TNIP2: variants seen among roughly 807,000 people sequenced by gnomAD.
TNIP2 encodes the protein TNFAIP3 interacting protein 2, also known as TNFAIP3-interacting protein 2.
In TNIP2, 30 loss-of-function variants were observed where a neutral mutation model predicts 43.7. The ratio of observed to expected loss-of-function variants is 0.69; its 90% CI spans 0.51 to 0.93. TNIP2 has a LOEUF of 0.93. Ranked by LOEUF, TNIP2 falls within the 40% of genes least tolerant of loss-of-function variation. The pLI, the probability that TNIP2 is intolerant of heterozygous loss-of-function variation, is 0.00. For synonymous variants in TNIP2, 260 were observed against 254.6 expected, an observed-to-expected ratio of 1.02 and a Z score of -0.20; for missense variants, 599 against 591.0, an observed-to-expected ratio of 1.01 and a Z score of -0.14.
intron 1 of TNIP2, among the ~76,000 whole-genome samples, chr4:2,751,919 C>T (rs1263836858): frequency 6.6e-6 from 1 of 151,232 alleles, no homozygotes; most frequent in Admixed American, 6.6e-5. Context: ...GCCTGGCCAA[C>T]ATGGTGAAAC....
chr4:2,748,249 C>G (rs1206632090), intron 1 of TNIP2, among the ~76,000 whole-genome samples: 1 of 152,012 alleles, frequency 6.6e-6, no homozygotes, highest in East Asian at 1.9e-4. Flanking sequence ...AATCTTGGCT[C>G]GCTGCAACCT....
rs941191863 is a variant in TNIP2 at position 2,741,804 on chromosome 4, G to C, written c.*453C>G. ...CGCAATGGCGGGGGTGGCCACCCTAGTGTGACGTGCAGCCGCAATACTCCA... is the reference window on the plus strand; with the variant it reads ...CGCAATGGCGGGGGTGGCCACCCTACTGTGACGTGCAGCCGCAATACTCCA... On this transcript the variant is annotated 3_prime_UTR_variant, in exon 6 of 6. Transcript: ENST00000315423. 6.3e-6 allele frequency: 1 copy of C among 158,390 alleles called. No homozygotes were observed. The highest frequency in any genetic ancestry group is 1.4e-5 in the Non-Finnish European group (1 of 72,530). The allele number at this position is 158,390 out of a possible 1,614,324, so 9.8% of individuals were successfully genotyped here. A position where few individuals can be genotyped will look rare whatever the true frequency, so the allele number is the denominator to read the frequency against.
Position 2,756,282 on chromosome 4 carries a change from C to T in TNIP2, c.8G>A (p.Arg3Gln), listed in dbSNP as rs779245238. MS[R>Q]DPGSGGWEEA... ...CTCCCAGCCGCCCGACCCCGGGTCC[C>T]GGGACATGGCTGTAGGCCCGCCCGG... The change falls in exon 1 of 6, where the codon CGG (arginine) becomes CAG (glutamine). Residue 3 changes from arginine to glutamine, a missense_variant. By Grantham distance (43) the Arg-to-Gln change is conservative. Transcript: ENST00000315423. 1.3e-3 allele frequency: 1,829 copies of T among 1,392,052 alleles called. 3 individuals are homozygous for T. The highest frequency in any genetic ancestry group is 1.6e-3 in the Non-Finnish European group (1,750 of 1,076,570). 86.2% of individuals were successfully genotyped at this position (1,392,052 alleles called of 1,614,324 possible).
Position 2,754,519 on chromosome 4 carries a change from C to T in TNIP2, c.276+1495G>A, listed in dbSNP as rs1324019240. Among the ~76,000 whole-genome samples, 12 of 152,284 alleles carry T rather than the reference C, an allele frequency of 7.9e-5. 1 individual carries two copies. In the South Asian group the frequency reaches 2.5e-3, roughly 32 times the overall value. On this transcript the variant is annotated intron_variant, in intron 1 of 5. Transcript: ENST00000315423. ...GCAAGCTCCGCCGCCCGGGTTCATG[C>T]CATTCTCCTGCCTCCGCCTCCCAAG... is the stretch of plus-strand genomic sequence containing the variant.
rs1722245961 is a variant in TNIP2 at position 2,756,248 on chromosome 4, CG to C, written c.41del (p.Pro14ArgfsTer50). ...GGGTGCAGAGCGCGGCAGCTGCGCG[CG>C]GGGCCTCCTCCCAGCCGCCCGACCC... ...DPGSGGWEEA[P>X]RAAAALCTLY... On this transcript the variant is annotated frameshift_variant, in exon 1 of 6. Coordinates refer to ENST00000315423, the MANE Select transcript of TNIP2 (RefSeq NM_024309.4). LOFTEE classifies it high-confidence loss of function. 3 of 1,446,876 alleles carry C rather than the reference CG, an allele frequency of 2.1e-6. No individual in the cohort carries two copies. Among genetic ancestry groups the C allele is most frequent in the African/African-American group, 3.0e-5 (2 of 67,482 alleles). The allele number at this position is 1,446,876 out of a possible 1,614,324, so 89.6% of individuals were successfully genotyped here. A position where few individuals can be genotyped will look rare whatever the true frequency, so the allele number is the denominator to read the frequency against.
At chr4:2,747,621 G>T (rs745622333) in intron 2 of TNIP2, 34 bp downstream of exon 2, 8 of 1,571,608 alleles carry the variant, frequency 5.1e-6, no homozygotes, top group Middle Eastern at 2.3e-4. Context: ...GCACACAGAG[G>T]TCTTCCCCAC....
At position 2,742,234 on chromosome 4, in the gene TNIP2, G is replaced by GC. The variant is rs749770666; in HGVS notation, c.*22dup. ...GGCAGCTGCACCGGGCCAGGAGGCCGCAAGGGCACGGGTGAGTCTCGGTCA... is the reference window on the plus strand; with the variant it reads ...GGCAGCTGCACCGGGCCAGGAGGCCGCCAAGGGCACGGGTGAGTCTCGGTCA... On this transcript the variant is annotated 3_prime_UTR_variant, in exon 6 of 6. Transcript: ENST00000315423. 7.6e-6 allele frequency: 11 copies of GC among 1,443,450 alleles called. No homozygotes were observed. The African/African-American group carries it at 1.4e-4, about 19-fold the overall frequency. 89.4% of individuals were successfully genotyped at this position (1,443,450 alleles called of 1,614,324 possible). A position where few individuals can be genotyped will look rare whatever the true frequency, so the allele number is the denominator to read the frequency against.
At chr4:2,749,933 C>T (rs1722059134) in intron 1 of TNIP2, among the ~76,000 whole-genome samples, 1 of 152,094 alleles carries the variant, frequency 6.6e-6, no homozygotes, top group African/African-American at 2.4e-5. Context: ...TGCCTCAGCA[C>T]CCTAAGTAGT....
At position 2,755,978 on chromosome 4, in the gene TNIP2, T is replaced by C. The variant is rs1406761795; in HGVS notation, c.276+36A>G. The C allele has an allele frequency of 4.0e-6, 6 of 1,508,666 alleles. No individual in the cohort carries two copies. The East Asian group carries it at 1.3e-4, about 34-fold the overall frequency. The allele number at this position is 1,508,666 out of a possible 1,614,324, so 93.5% of individuals were successfully genotyped here. On this transcript the variant is annotated intron_variant, in intron 1 of 5. Coordinates refer to ENST00000315423, the MANE Select transcript of TNIP2 (RefSeq NM_024309.4). ...GACCCGGCGGCCGCCACACGCACTC[T>C]CGCTCCCGCAGCTCCTCTGGTACCC... is the stretch of plus-strand genomic sequence containing the variant.
At chr4:2,746,589 CCTT>C (rs960141962) in intron 2 of TNIP2, among the ~76,000 whole-genome samples, 37 of 152,258 alleles carry the variant, frequency 2.4e-4, no homozygotes, top group Non-Finnish European at 4.7e-4. Context: ...CTCAGACCAA[CCTT>C]CTCCCCAGTG....
chr4:2,750,552 A>G (rs1215764585), intron 1 of TNIP2, among the ~76,000 whole-genome samples: 2 of 151,864 alleles, frequency 1.3e-5, no homozygotes, highest in East Asian at 3.9e-4. Flanking sequence ...TCAACCTCCC[A>G]AATAGCTGGG....
chr4:2,747,536 C>T lies in TNIP2; in HGVS notation c.567+119G>A, dbSNP rs540200605. On this transcript the variant is annotated intron_variant, in intron 2 of 5. Transcript: ENST00000315423. ...GAGCTTTGCCCCGTCAGCTGACTCT[C>T]GTTACTGAGAACAGAAGTGGGTTCT... is the stretch of plus-strand genomic sequence containing the variant. The T allele has an allele frequency of 1.2e-5, 12 of 1,022,122 alleles. No individual in the cohort carries two copies. The East Asian group carries it at 1.7e-4, about 14-fold the overall frequency. 63.3% of individuals were successfully genotyped at this position (1,022,122 alleles called of 1,614,324 possible).
At chr4:2,751,489 C>T (rs989020714) in intron 1 of TNIP2, among the ~76,000 whole-genome samples, 1 of 152,204 alleles carries the variant, frequency 6.6e-6, no homozygotes, top group Non-Finnish European at 1.5e-5. Context: ...TCTTAAACAA[C>T]AGAAGTGTAT....
At chr4:2,748,722 G>T (rs1577310064) in intron 1 of TNIP2, among the ~76,000 whole-genome samples, 1 of 134,050 alleles carries the variant, frequency 7.5e-6, no homozygotes, top group African/African-American at 3.3e-5. Context: ...TCGAATTCCT[G>T]ACCTTAGATG....
Position 2,744,456 on chromosome 4 carries a change from C to T in TNIP2, c.957G>A (p.Arg319=), listed in dbSNP as rs1267350787. The change falls in exon 5 of 6, where the codon CGG becomes CGA. Residue 319 remains arginine, a synonymous_variant. Coordinates refer to ENST00000315423, the MANE Select transcript of TNIP2 (RefSeq NM_024309.4). The surrounding 1 kb of genome is among the most constrained non-coding windows in gnomAD (Gnocchi z 5.1). ...CCAGTTCTTGAATCCTACTTTGAGC[C>T]CGTTCCCGATCGGCCCTTTCTGACA... The part of the protein sequence containing the change: ...DFMSERADRE[R]AQSRIQELEE... The T allele has an allele frequency of 2.5e-6, 4 of 1,614,252 alleles. No individual in the cohort carries two copies. Among genetic ancestry groups the T allele is most frequent in the African/African-American group, 1.3e-5 (1 of 75,072 alleles).
rs1577307301 is a variant in TNIP2 at position 2,745,092 on chromosome 4, A to G, written c.658-147T>C. 6.6e-6 allele frequency: 7 copies of G among 1,057,242 alleles called. No homozygotes were observed. In the East Asian group the frequency reaches 1.8e-4, roughly 27 times the overall value. 65.5% of individuals were successfully genotyped at this position (1,057,242 alleles called of 1,614,324 possible). Reference sequence around the variant, plus strand: ...AGCTGCCCCTCCCTGTTCTGTAGAGAGCAGACACTAGGCCCGCTAGAGAAT... The same window carrying G: ...AGCTGCCCCTCCCTGTTCTGTAGAGGGCAGACACTAGGCCCGCTAGAGAAT... On this transcript the variant is annotated intron_variant, in intron 3 of 5. Coordinates refer to ENST00000315423, the MANE Select transcript of TNIP2 (RefSeq NM_024309.4).
At chr4:2,748,075 T>G in intron 1 of TNIP2, 130 bp from the exon 2 acceptor site, 1 of 989,188 alleles carries the variant, frequency 1.0e-6, no homozygotes, top group Non-Finnish European at 1.5e-6. Context: ...CACTCAGAAG[T>G]TGGGCGTTTG....
intron 1 of TNIP2, among the ~76,000 whole-genome samples, chr4:2,753,581 G>A (rs1201560616): frequency 6.6e-6 from 1 of 152,234 alleles, no homozygotes; most frequent in African/African-American, 2.4e-5. Flanking sequence ...TGCTTGGTGA[G>A]TGGCCAGATA....
intron 1 of TNIP2, among the ~76,000 whole-genome samples, chr4:2,751,885 C>T (rs1454499934): frequency 6.6e-6 from 1 of 151,512 alleles, no homozygotes; most frequent in African/African-American, 2.4e-5. Context: ...GTGGGTGGAT[C>T]ACGAGGTCAG....
Sources: allele counts gnomAD v4.1 joint callset (sites outside exome capture counted in the v4.1 genomes callset), GRCh38; gene constraint gnomAD v4.1.1; non-coding constraint Gnocchi (gnomAD v3.1); transcripts MANE v1.5; gene names NCBI Gene and HGNC (gene_info 2026-07-23, HGNC 2026-07-21).